ZMYND11: variants seen among roughly 807,000 people sequenced by gnomAD.
The protein encoded by ZMYND11 is zinc finger MYND domain-containing protein 11.
ZMYND11 carries 9 observed loss-of-function variants against 84.9 expected under a neutral mutation model. That is an observed-to-expected ratio of 0.11 (90% CI 0.06 to 0.18). The LOEUF (loss-of-function observed/expected upper bound fraction) is 0.18, where lower values mean the gene tolerates loss of function less well. Ranked by LOEUF, ZMYND11 falls within the 10% of genes least tolerant of loss-of-function variation. The pLI, the probability that ZMYND11 is intolerant of heterozygous loss-of-function variation, is 1.00. For missense variants in ZMYND11, 409 were observed against 761.0 expected (o/e 0.54, Z 5.44); for synonymous variants, 250 against 244.1 (o/e 1.02, Z -0.23).
At chr10:231,658 G>A (rs1339102061) in intron 4 of ZMYND11, among the ~76,000 whole-genome samples, 2 of 152,146 alleles carry the variant, frequency 1.3e-5, no homozygotes, top group East Asian at 1.9e-4. Flanking sequence ...CAGAAACACC[G>A]AAGGGCACCA....
rs570572126 is a variant in ZMYND11, at chr10:194,812, C to G, written c.116+14684C>G. ...TATATATATTCCAGATACAAGGTCGCTCACAGACCTGCATGTCTAGAGTTC... is the reference window on the plus strand; with the variant it reads ...TATATATATTCCAGATACAAGGTCGGTCACAGACCTGCATGTCTAGAGTTC... On this transcript the variant is annotated intron_variant, in intron 2 of 14. Transcript: ENST00000381604. Among the ~76,000 whole-genome samples, 105 of 152,240 alleles carry G rather than the reference C, an allele frequency of 6.9e-4. 2 individuals are homozygous for G. The highest frequency in any genetic ancestry group is 6.8e-3 in the Middle Eastern group (2 of 294).
chr10:249,020 G>A lies in ZMYND11; in HGVS notation c.1618G>A (p.Val540Ile), dbSNP rs759907871. The change falls in exon 14 of 15, where the codon GTA (valine) becomes ATA (isoleucine). Residue 540 changes from valine to isoleucine, a missense_variant. By Grantham distance (29) the Val-to-Ile change is conservative. Transcript: ENST00000381604. ...QVKEKCKEEF[V>I]EEIKKLATQH... The stretch of plus-strand genomic sequence containing the variant: ...AAAGGAAAAGTGTAAGGAAGAATTT[G>A]TAGAAGAAATCAAGAAGCTGGCAAC... 3 of 1,614,232 alleles carry A rather than the reference G, an allele frequency of 1.9e-6. No homozygotes were observed. The highest frequency in any genetic ancestry group is 2.5e-6 in the Non-Finnish European group (3 of 1,180,038).
In ZMYND11 at chr10:135,612, A is replaced by G. The variant is rs1311181655; in HGVS notation, c.-20+53A>G. 6.8e-6 allele frequency: 1 copy of G among 146,114 alleles called. No individual in the cohort carries two copies. Among genetic ancestry groups the G allele is most frequent in the African/African-American group, 2.5e-5 (1 of 39,458 alleles). The allele number at this position is 146,114 out of a possible 1,614,324, so 9.1% of individuals were successfully genotyped here. On this transcript the variant is annotated intron_variant, in intron 1 of 14. Coordinates refer to ENST00000381604, the MANE Select transcript of ZMYND11 (RefSeq NM_001370100.5). This position sits in a 1 kb window ranked among gnomAD's most constrained non-coding sequence, Gnocchi z 5.6. ...GGGGCGGGCGGGGGCGTCCGTGGAG[A>G]TGGCGCGGCCCGCGCGGTGGAGCCT...
intron 1 of ZMYND11, among the ~76,000 whole-genome samples, chr10:143,143 G>C (rs782714200): frequency 6.6e-6 from 1 of 152,136 alleles, no homozygotes; most frequent in Non-Finnish European, 1.5e-5. Context: ...AAATGCTAAG[G>C]CTTCAGCATT....
intron 1 of ZMYND11, among the ~76,000 whole-genome samples, chr10:140,144 G>A (rs1837173223): frequency 6.6e-6 from 1 of 152,072 alleles, no homozygotes; most frequent in Admixed American, 6.6e-5. Context: ...GAAGAGAAGT[G>A]GGTGAGATAT....
At chr10:155,187 T>G (rs1841405912) in intron 1 of ZMYND11, among the ~76,000 whole-genome samples, 1 of 152,228 alleles carries the variant, frequency 6.6e-6, no homozygotes, top group Non-Finnish European at 1.5e-5. Flanking sequence ...TACGTAGCTT[T>G]AAAATTTTAG....
At chr10:230,773 C>T (rs1564423134) in intron 4 of ZMYND11, among the ~76,000 whole-genome samples, 1 of 152,194 alleles carries the variant, frequency 6.6e-6, no homozygotes, top group African/African-American at 2.4e-5. Flanking sequence ...GATGGGTCCT[C>T]ATATTCTTGA....
intron 4 of ZMYND11, among the ~76,000 whole-genome samples, chr10:231,859 C>T (rs183456853): frequency 6.6e-6 from 1 of 152,280 alleles, no homozygotes; most frequent in African/African-American, 2.4e-5. Flanking sequence ...ATGCGATTAC[C>T]GTCACTTTTA....
chr10:132,188 T>C (rs530021287), upstream of ZMYND11, among the ~76,000 whole-genome samples: 21 of 151,852 alleles, frequency 1.4e-4, no homozygotes, highest in African/African-American at 3.6e-4. Flanking sequence ...AAATATTTCA[T>C]TGGGGCAACC....
At chr10:240,777 A>G (rs1282410524) in intron 8 of ZMYND11, 116 bp from the exon 9 acceptor site, 1 of 813,068 alleles carries the variant, frequency 1.2e-6, no homozygotes, top group African/African-American at 1.8e-5. Flanking sequence ...AAAGATTAAG[A>G]AACAAAATTC....
chr10:209,806 A>C, intron 2 of ZMYND11, 83 bp from the exon 3 acceptor site: 2 of 1,365,938 alleles, frequency 1.5e-6, no homozygotes, highest in Non-Finnish European at 2.0e-6. Flanking sequence ...TAATGAAAGA[A>C]ATTACCACCA....
intron 4 of ZMYND11, among the ~76,000 whole-genome samples, chr10:229,724 T>C (rs948668568): frequency 1.3e-5 from 2 of 152,208 alleles, no homozygotes. Flanking sequence ...TTTTCACTGA[T>C]GGGCTACTTG....
At chr10:236,233 C>A (rs764756964) in intron 4 of ZMYND11, among the ~76,000 whole-genome samples, 1 of 152,124 alleles carries the variant, frequency 6.6e-6, no homozygotes, top group African/African-American at 2.4e-5. Flanking sequence ...AAATAACATG[C>A]GTAGAATCCT....
chr10:215,044 T>C (rs1945922489), intron 3 of ZMYND11, among the ~76,000 whole-genome samples: 1 of 152,230 alleles, frequency 6.6e-6, no homozygotes, highest in Non-Finnish European at 1.5e-5. Context: ...TATCAAATAA[T>C]GTCGTTTGCA....
chr10:189,890 A>G (rs899821028), intron 2 of ZMYND11, among the ~76,000 whole-genome samples: 2 of 152,198 alleles, frequency 1.3e-5, no homozygotes, highest in Admixed American at 6.5e-5. Context: ...TGTGAAGGGT[A>G]CAGAAATAGT....
chr10:141,699 C>T (rs1837533668), intron 1 of ZMYND11, among the ~76,000 whole-genome samples: 1 of 152,136 alleles, frequency 6.6e-6, no homozygotes, highest in East Asian at 1.9e-4. Flanking sequence ...ATATTGTGTT[C>T]TCCAGATATT....
intron 1 of ZMYND11, among the ~76,000 whole-genome samples, chr10:154,289 C>A (rs782735638): frequency 6.6e-6 from 1 of 152,178 alleles, no homozygotes; most frequent in African/African-American, 2.4e-5. Flanking sequence ...CTAATACATA[C>A]ACATGTATGG....
At chr10:236,950 C>A (rs867264623) in intron 5 of ZMYND11, 35 bp downstream of exon 5, 1 of 1,566,986 alleles carries the variant, frequency 6.4e-7, no homozygotes, top group Non-Finnish European at 8.7e-7. Flanking sequence ...CAAAATATCC[C>A]AAAACACATT....
chr10:188,434 A>C (rs972951445), intron 2 of ZMYND11, among the ~76,000 whole-genome samples: 5 of 151,954 alleles, frequency 3.3e-5, no homozygotes, highest in African/African-American at 9.6e-5. Flanking sequence ...CAAAAAAAAA[A>C]ACCACAAAAT....
Sources: gnomAD v4.1 joint callset for allele counts (sites outside exome capture counted in the v4.1 genomes callset) on GRCh38, gnomAD v4.1.1 for gene constraint, Gnocchi (gnomAD v3.1) non-coding constraint, MANE v1.5 for transcripts, NCBI Gene and HGNC (gene_info 2026-07-23, HGNC 2026-07-21) for gene names.